Variants in CHST9 observed in about 807,000 individuals in gnomAD.
CHST9 encodes carbohydrate sulfotransferase 9.
In CHST9, 41 loss-of-function variants were observed where a neutral mutation model predicts 44.4. The observed-to-expected ratio is 0.92, with a 90% CI of 0.72 to 1.20. CHST9 has a LOEUF of 1.20. Ranked by LOEUF, CHST9 falls within the 50% of genes most tolerant of loss-of-function variation. The pLI is 0.00. For missense variants in CHST9, 504 were observed against 516.5 expected (o/e 0.98, Z 0.23); for synonymous variants, 171 against 178.4 (o/e 0.96, Z 0.33).
At chr18:27,154,421 T>C (rs1211343403) in intron 1 of CHST9, among the ~76,000 whole-genome samples, 2 of 152,104 alleles carry the variant, frequency 1.3e-5, no homozygotes, top group East Asian at 1.9e-4. Context: ...GTCTAAATTA[T>C]GGTGATTACA....
chr18:27,149,947 T>C (rs1009427869), intron 1 of CHST9, among the ~76,000 whole-genome samples: 17 of 152,108 alleles, frequency 1.1e-4, no homozygotes, highest in African/African-American at 4.1e-4. Flanking sequence ...CCTTTATCTC[T>C]TTGCATATTT....
At position 27,163,436 on chromosome 18, in the gene CHST9, C is replaced by T. The variant is rs976387481; in HGVS notation, c.-96-20531G>A. Among the ~76,000 whole-genome samples the T allele has an allele frequency of 2.0e-5, 3 of 152,318 alleles. No homozygotes were observed. The East Asian group carries it at 5.8e-4, about 30-fold the overall frequency. Reference sequence around the variant, plus strand: ...GGTGGAGTCTACAGAGGCAGGCAGGCCTCCTTGAGCTGCAGTGGGCTCCAC... The same window carrying T: ...GGTGGAGTCTACAGAGGCAGGCAGGTCTCCTTGAGCTGCAGTGGGCTCCAC... On this transcript the variant is annotated intron_variant, in intron 1 of 5. Transcript: ENST00000618847.
At chr18:27,177,685 T>C (rs980123680) in intron 1 of CHST9, among the ~76,000 whole-genome samples, 3 of 151,954 alleles carry the variant, frequency 2.0e-5, no homozygotes, top group Non-Finnish European at 4.4e-5. Context: ...GTTATAGAGT[T>C]CAGTTTAGGG....
chr18:27,085,949 C>G (rs1356777936), intron 2 of CHST9, among the ~76,000 whole-genome samples: 1 of 152,082 alleles, frequency 6.6e-6, no homozygotes, highest in Non-Finnish European at 1.5e-5. Context: ...TAAAAGAGAA[C>G]AAAACCTGTC....
intron 2 of CHST9, among the ~76,000 whole-genome samples, chr18:27,082,677 T>C (rs2057972048): frequency 6.6e-6 from 1 of 152,218 alleles, no homozygotes; most frequent in African/African-American, 2.4e-5. Context: ...ACAGTTGGTT[T>C]CCACTGTCAT....
chr18:27,040,012 G>A (rs1429432944), intron 3 of CHST9, among the ~76,000 whole-genome samples: 6 of 152,038 alleles, frequency 3.9e-5, no homozygotes, highest in Non-Finnish European at 7.4e-5. Context: ...ATTGCATTTC[G>A]GGGACTTTTT....
intron 3 of CHST9, among the ~76,000 whole-genome samples, chr18:27,043,757 T>C (rs1457500360): frequency 6.6e-6 from 1 of 152,078 alleles, no homozygotes; most frequent in Admixed American, 6.6e-5. Flanking sequence ...TTTTAGAAAA[T>C]GCAGATGGAT....
In CHST9 at chr18:26,952,963, C is replaced by A. The variant is rs2056271772; in HGVS notation, c.203-8597G>T. Among the ~76,000 whole-genome samples, 5 of 152,024 alleles carry A rather than the reference C, an allele frequency of 3.3e-5. No homozygotes were observed. The South Asian group carries it at 8.3e-4, about 25-fold the overall frequency. ...TGGTCTTGGGAAACAAGTAGGTTTC[C>A]CAGAGGTATGCTGTCATTAATCACT... On this transcript the variant is annotated intron_variant, in intron 4 of 5. Coordinates refer to ENST00000618847, the MANE Select transcript of CHST9 (RefSeq NM_031422.6).
intron 4 of CHST9, among the ~76,000 whole-genome samples, chr18:27,003,350 A>C (rs1204651060): frequency 1.3e-5 from 2 of 152,074 alleles, no homozygotes; most frequent in African/African-American, 4.8e-5. Context: ...ATTCAAGAAG[A>C]CCTAGATCTA....
chr18:26,915,735 A>C lies in CHST9; in HGVS notation c.*524T>G, dbSNP rs2145041779. 1 of 152,612 alleles carries C rather than the reference A, an allele frequency of 6.6e-6. No homozygotes were observed. Among genetic ancestry groups the C allele is most frequent in the South Asian group, 2.1e-4 (1 of 4,834 alleles). 9.5% of individuals were successfully genotyped at this position (152,612 alleles called of 1,614,324 possible). A position where few individuals can be genotyped will look rare whatever the true frequency, so the allele number is the denominator to read the frequency against. ...TATATTCTCATATTGTAAATCACATAATGCCTTCCAATCTAAAGTAAAATG... is the reference window on the plus strand; with the variant it reads ...TATATTCTCATATTGTAAATCACATCATGCCTTCCAATCTAAAGTAAAATG... On this transcript the variant is annotated 3_prime_UTR_variant, in exon 6 of 6. Coordinates refer to ENST00000618847, the MANE Select transcript of CHST9 (RefSeq NM_031422.6).
intron 2 of CHST9, among the ~76,000 whole-genome samples, chr18:27,138,742 A>G: frequency 6.6e-6 from 1 of 152,200 alleles, no homozygotes; most frequent in East Asian, 1.9e-4. Context: ...TGTGAAAAAT[A>G]TGACTATCCT....
At chr18:27,002,802 A>T (rs1371259796) in intron 4 of CHST9, among the ~76,000 whole-genome samples, 1 of 152,204 alleles carries the variant, frequency 6.6e-6, no homozygotes, top group African/African-American at 2.4e-5. Context: ...GAAAAATGTT[A>T]AGAAATTATG....
chr18:26,933,952 T>C (rs1290622045), intron 5 of CHST9, among the ~76,000 whole-genome samples: 3 of 152,154 alleles, frequency 2.0e-5, no homozygotes, highest in African/African-American at 7.2e-5. Context: ...GAGATCTTAA[T>C]GACAACAAGG....
chr18:27,177,165 G>A (rs903878017), intron 1 of CHST9, among the ~76,000 whole-genome samples: 2 of 151,776 alleles, frequency 1.3e-5, no homozygotes, highest in African/African-American at 4.8e-5. Context: ...ACTGCTTTTT[G>A]TCCAAAAAAT....
At chr18:26,932,543 T>C (rs555586245) in intron 5 of CHST9, among the ~76,000 whole-genome samples, 1 of 150,974 alleles carries the variant, frequency 6.6e-6, no homozygotes, top group Non-Finnish European at 1.5e-5. Flanking sequence ...GTTAGCTGGA[T>C]CAGGGGTGAA....
At chr18:26,944,867 C>G (rs898063960) in intron 4 of CHST9, among the ~76,000 whole-genome samples, 1 of 152,140 alleles carries the variant, frequency 6.6e-6, no homozygotes, top group Non-Finnish European at 1.5e-5. Flanking sequence ...TGTTATGGTA[C>G]TGCCAGAGAT....
intron 2 of CHST9, among the ~76,000 whole-genome samples, chr18:27,073,525 A>G (rs1162688756): frequency 6.6e-6 from 1 of 151,988 alleles, no homozygotes; most frequent in Non-Finnish European, 1.5e-5. Flanking sequence ...CAGCAAGTAT[A>G]TAGTCAGGAA....
intron 2 of CHST9, among the ~76,000 whole-genome samples, chr18:27,135,565 T>G (rs1431479935): frequency 3.3e-5 from 5 of 152,156 alleles, no homozygotes; most frequent in Non-Finnish European, 7.3e-5. Flanking sequence ...TGCCAATAAA[T>G]CAGCCAAAGT....
intron 4 of CHST9, among the ~76,000 whole-genome samples, chr18:26,960,653 G>A (rs2056387522): frequency 6.6e-6 from 1 of 152,174 alleles, no homozygotes; most frequent in South Asian, 2.1e-4. Flanking sequence ...CATTGCCAAG[G>A]TCTGATTGCA....
Sources: allele counts gnomAD v4.1 joint callset (sites outside exome capture counted in the v4.1 genomes callset), GRCh38; gene constraint gnomAD v4.1.1; transcripts MANE v1.5; gene names NCBI Gene and HGNC (gene_info 2026-07-23, HGNC 2026-07-21).